The following PHC3 variants were observed in gnomAD, a reference collection of about 807,000 sequenced individuals.
The protein encoded by PHC3 is polyhomeotic-like protein 3.
PHC3 carries 13 observed loss-of-function variants against 107.4 expected under a neutral mutation model. The observed-to-expected ratio is 0.12, with a 90% confidence interval of 0.08 to 0.19. PHC3 has a LOEUF of 0.19. Ranked by LOEUF, PHC3 falls within the 10% of genes least tolerant of loss-of-function variation. The pLI is 1.00. For missense variants in PHC3, 992 were observed against 1,210.9 expected, an observed-to-expected ratio of 0.82 and a Z score of 2.68; for synonymous variants, 456 against 427.4, an observed-to-expected ratio of 1.07 and a Z score of -0.83.
At chr3:170,115,470 T>C (rs773255008) in intron 10 of PHC3, among the ~76,000 whole-genome samples, 15 of 152,196 alleles carry the variant, frequency 9.9e-5, no homozygotes, top group South Asian at 4.1e-4. Flanking sequence ...TACATATGTA[T>C]ACACATATAC....
chr3:170,159,569 G>T (rs917709917), intron 4 of PHC3, among the ~76,000 whole-genome samples: 1 of 152,186 alleles, frequency 6.6e-6, no homozygotes, highest in Non-Finnish European at 1.5e-5. Context: ...ATTTCTCGTG[G>T]ATTTGTTCAG....
chr3:170,121,240 G>C (rs1214804531), intron 9 of PHC3, among the ~76,000 whole-genome samples: 2 of 152,090 alleles, frequency 1.3e-5, no homozygotes, highest in Non-Finnish European at 2.9e-5. Context: ...TATTCAGGAG[G>C]CTGAGGCAGG....
At chr3:170,134,061 G>C (rs1277808964) in intron 7 of PHC3, among the ~76,000 whole-genome samples, 1 of 151,866 alleles carries the variant, frequency 6.6e-6, no homozygotes, top group Non-Finnish European at 1.5e-5. Flanking sequence ...GCCAGACGCT[G>C]GTTTGAGGCT....
At chr3:170,177,541 A>G (rs1306076592) in intron 2 of PHC3, among the ~76,000 whole-genome samples, 1 of 151,958 alleles carries the variant, frequency 6.6e-6, no homozygotes, top group Non-Finnish European at 1.5e-5. Context: ...TAATTTTTGT[A>G]TTCTTAGTAG....
At chr3:170,098,265 T>A (rs1028514902) in intron 14 of PHC3, among the ~76,000 whole-genome samples, 1 of 152,096 alleles carries the variant, frequency 6.6e-6, no homozygotes, top group Non-Finnish European at 1.5e-5. Flanking sequence ...ATTAAGTAGC[T>A]GAGATGAGAG....
chr3:170,152,147 T>C (rs1441553536), intron 4 of PHC3, among the ~76,000 whole-genome samples: 2 of 151,814 alleles, frequency 1.3e-5, no homozygotes, highest in Admixed American at 6.6e-5. Flanking sequence ...AGAATTATTC[T>C]GTAATTTTGT....
At position 170,163,861 on chromosome 3, in the gene PHC3, C is replaced by CAAAAA. The variant is rs200514068; in HGVS notation, c.414+7507_414+7511dup. 9.4e-5 allele frequency among the ~76,000 whole-genome samples: 8 copies of CAAAAA among 85,114 alleles called. No homozygotes were observed. In the East Asian group the frequency reaches 1.1e-3, roughly 12 times the overall value. The allele number at this position is 85,114 out of a possible 152,430, so 55.8% of individuals were successfully genotyped here. On this transcript the variant is annotated intron_variant, in intron 4 of 14. Transcript: ENST00000495893. ...CTGGGCAACAGTGCAAGACTCTGTC[C>CAAAAA]AAAAAAAAAAAAAAAAAAAAAAAGG...
chr3:170,126,929 TG>T (rs200438473), intron 8 of PHC3, among the ~76,000 whole-genome samples: 1,943 of 151,826 alleles, frequency 0.013, 38 homozygotes, highest in African/African-American at 0.043. Context: ...AGTTTTTTTT[TG>T]TTTGTTTTTA....
chr3:170,126,770 A>G (rs1721377203), intron 8 of PHC3, among the ~76,000 whole-genome samples: 1 of 151,732 alleles, frequency 6.6e-6, no homozygotes, highest in South Asian at 2.1e-4. Context: ...TGAACTCCTG[A>G]CCTCAGGTGA....
intron 6 of PHC3, among the ~76,000 whole-genome samples, chr3:170,143,434 A>T (rs761458812): frequency 6.6e-6 from 1 of 152,176 alleles, no homozygotes; most frequent in Non-Finnish European, 1.5e-5. Context: ...ATTAGCCTTT[A>T]CTTGTAAATG....
chr3:170,166,897 C>T (rs1268976096), intron 4 of PHC3, among the ~76,000 whole-genome samples: 1 of 152,046 alleles, frequency 6.6e-6, no homozygotes, highest in Non-Finnish European at 1.5e-5. Flanking sequence ...TCAAGTGATC[C>T]CCCCACCTTA....
At position 170,148,817 on chromosome 3, in the gene PHC3, T is replaced by C. The variant is rs555048170; in HGVS notation, c.573+269A>G. On this transcript the variant is annotated intron_variant, in intron 5 of 14. Coordinates refer to ENST00000495893, the MANE Select transcript of PHC3 (RefSeq NM_024947.4). ...ATGAAAAAAAGGTTTTCAATGAATTTGATATTAAAAAATAATCACTCTTAC... is the reference window on the plus strand; with the variant it reads ...ATGAAAAAAAGGTTTTCAATGAATTCGATATTAAAAAATAATCACTCTTAC... The C allele has an allele frequency of 3.9e-4, 103 of 262,150 alleles. 1 individual carries two copies. Among genetic ancestry groups the C allele is most frequent in the African/African-American group, 2.1e-3 (97 of 45,884 alleles). 16.2% of individuals were successfully genotyped at this position (262,150 alleles called of 1,614,324 possible).
In PHC3 at chr3:170,090,820, C is replaced by A. The variant is rs754704861; in HGVS notation, c.*6410G>T. On this transcript the variant is annotated 3_prime_UTR_variant, in exon 15 of 15. Transcript: ENST00000495893. ...ACACAGCTAACCCACTGAAATAAAA[C>A]CCCAGTCTCCAGACCAGTGTGTTAA... 2.0e-5 allele frequency: 3 copies of A among 152,158 alleles called. No individual in the cohort carries two copies. Among genetic ancestry groups the A allele is most frequent in the Non-Finnish European group, 4.4e-5 (3 of 68,036 alleles). The allele number at this position is 152,158 out of a possible 1,614,324, so 9.4% of individuals were successfully genotyped here.
intron 9 of PHC3, among the ~76,000 whole-genome samples, chr3:170,120,410 A>AC (rs1447674672): frequency 6.6e-6 from 1 of 151,900 alleles, no homozygotes; most frequent in African/African-American, 2.4e-5. Context: ...ACATAGTGAA[A>AC]CCCCGTGTCC....
At chr3:170,153,417 C>T (rs1192479218) in intron 4 of PHC3, among the ~76,000 whole-genome samples, 1 of 152,070 alleles carries the variant, frequency 6.6e-6, no homozygotes, top group Non-Finnish European at 1.5e-5. Context: ...ATCTTGTCAC[C>T]TTCTACTTGC....
intron 8 of PHC3, among the ~76,000 whole-genome samples, chr3:170,125,585 T>C (rs1721118138): frequency 1.3e-5 from 2 of 152,156 alleles, no homozygotes; most frequent in African/African-American, 4.8e-5. Context: ...TGATCATACA[T>C]AGAATTCTGA....
At chr3:170,114,160 C>T (rs1385038542) in intron 10 of PHC3, among the ~76,000 whole-genome samples, 2 of 152,126 alleles carry the variant, frequency 1.3e-5, no homozygotes, top group African/African-American at 4.8e-5. Flanking sequence ...CGGGCATGTG[C>T]CACCGCGCCT....
At position 170,096,113 on chromosome 3, in the gene PHC3, A is replaced by G. The variant is rs1228207260; in HGVS notation, c.*1117T>C. On this transcript the variant is annotated 3_prime_UTR_variant, in exon 15 of 15. Coordinates refer to ENST00000495893, the MANE Select transcript of PHC3 (RefSeq NM_024947.4). ...AGAGGAGCACAGAGGTATGAAAGAT[A>G]ATCAGAATGAATTAGTACTTTCTGA... 6.6e-6 allele frequency: 1 copy of G among 152,188 alleles called. No homozygotes were observed. Among genetic ancestry groups the G allele is most frequent in the Non-Finnish European group, 1.5e-5 (1 of 68,034 alleles). 9.4% of individuals were successfully genotyped at this position (152,188 alleles called of 1,614,324 possible). A position where few individuals can be genotyped will look rare whatever the true frequency, so the allele number is the denominator to read the frequency against.
rs1721803339 is a variant in PHC3 at position 170,128,968 on chromosome 3, A to C, written c.1504T>G (p.Ser502Ala). ...QIVSPSHQQY[S>A]SLQSSPIPIA... ...GGGATTGGAGAGGACTGCAGGGATG[A>C]ATATTGCTGGTGTGATGGAGAGACA... Residue 502 changes from serine to alanine, a missense_variant, in exon 8 of 15, where the codon TCA (serine) becomes GCA (alanine). Around this residue, in one of 6 missense-constraint regions of PHC3, gnomAD observed 543 missense variants for 590.8 expected, o/e 0.92. Transcript: ENST00000495893. 6.2e-7 allele frequency: 1 copy of C among 1,613,854 alleles called. No individual in the cohort carries two copies. Among genetic ancestry groups the C allele is most frequent in the Non-Finnish European group, 8.5e-7 (1 of 1,179,884 alleles).
Sources: allele counts gnomAD v4.1 joint callset (sites outside exome capture counted in the v4.1 genomes callset), GRCh38; gene constraint gnomAD v4.1.1; regional missense constraint gnomAD v4.1.1; transcripts MANE v1.5; gene names NCBI Gene and HGNC (gene_info 2026-07-23, HGNC 2026-07-21).